ANKRD31: variants seen among roughly 807,000 people sequenced by gnomAD.
ANKRD31 encodes ankyrin repeat domain 31.
ANKRD31 carries 147 observed loss-of-function variants against 186.0 expected under a neutral mutation model. The observed-to-expected ratio is 0.79, with a 90% confidence interval of 0.69 to 0.91. The LOEUF (loss-of-function observed/expected upper bound fraction) is 0.91. ANKRD31 is among the 40% of genes least tolerant of loss of function. The probability of loss-of-function intolerance (pLI) is 0.00; values close to 1 mark genes in which losing one functional copy is unlikely to be tolerated. For missense variants in ANKRD31, 1,986 were observed against 2,148.8 expected (o/e 0.92, Z 1.50); for synonymous variants, 673 against 736.4 (o/e 0.91, Z 1.39).
chr5:75,163,752 G>A (rs1752732296), intron 11 of ANKRD31, among the ~76,000 whole-genome samples: 1 of 152,132 alleles, frequency 6.6e-6, no homozygotes, highest in Non-Finnish European at 1.5e-5. Context: ...TCAATAGTAT[G>A]ATCAAAGGTG....
intron 11 of ANKRD31, among the ~76,000 whole-genome samples, chr5:75,156,312 C>A (rs1203276387): frequency 6.6e-6 from 1 of 152,120 alleles, no homozygotes; most frequent in Non-Finnish European, 1.5e-5. Context: ...TCACTTTGTA[C>A]TCTGAGATGT....
chr5:75,103,440 G>A (rs966318178), intron 22 of ANKRD31, among the ~76,000 whole-genome samples: 7 of 152,316 alleles, frequency 4.6e-5, no homozygotes, highest in African/African-American at 1.7e-4. Flanking sequence ...AGACAGTGTA[G>A]CGATTCCTCA....
intron 9 of ANKRD31, among the ~76,000 whole-genome samples, chr5:75,190,655 T>C (rs949432152): frequency 6.6e-6 from 1 of 151,972 alleles, no homozygotes; most frequent in East Asian, 1.9e-4. Flanking sequence ...TGCTTGTTCA[T>C]GTTCCTTATC....
chr5:75,213,779 C>T (rs1756795422), intron 3 of ANKRD31, among the ~76,000 whole-genome samples: 1 of 152,118 alleles, frequency 6.6e-6, no homozygotes, highest in African/African-American at 2.4e-5. Context: ...AGAAAAGAAG[C>T]AAATCTATTT....
intron 12 of ANKRD31, among the ~76,000 whole-genome samples, chr5:75,152,543 TAA>T (rs1751910513): frequency 6.6e-6 from 1 of 152,030 alleles, no homozygotes; most frequent in Non-Finnish European, 1.5e-5. Flanking sequence ...TTTTTTTCAT[TAA>T]AATACAGTTT....
chr5:75,227,267 C>T (rs970699735), intron 2 of ANKRD31, among the ~76,000 whole-genome samples: 1 of 151,948 alleles, frequency 6.6e-6, no homozygotes, highest in African/African-American at 2.4e-5. Context: ...GGATGGTTAC[C>T]AGAGACTGGG....
At chr5:75,074,152 TC>T (rs1187768553) in intron 25 of ANKRD31, among the ~76,000 whole-genome samples, 1 of 152,160 alleles carries the variant, frequency 6.6e-6, no homozygotes, top group Non-Finnish European at 1.5e-5. Flanking sequence ...AGGCGGCACT[TC>T]CAGGGTAAAC....
chr5:75,068,761 G>A, intron 25 of ANKRD31, 97 bp from the exon 26 acceptor site: 1 of 1,252,008 alleles, frequency 8.0e-7, no homozygotes, highest in Non-Finnish European at 1.0e-6. Context: ...AAGTCTATTT[G>A]AGAGCACACA....
chr5:75,202,014 G>A (rs1159684674), intron 5 of ANKRD31, among the ~76,000 whole-genome samples: 1 of 152,116 alleles, frequency 6.6e-6, no homozygotes, highest in East Asian at 1.9e-4. Flanking sequence ...AAGCCCCCAG[G>A]CCACACCTTG....
chr5:75,157,468 T>C (rs1345599414), intron 11 of ANKRD31, among the ~76,000 whole-genome samples: 1 of 152,190 alleles, frequency 6.6e-6, no homozygotes, highest in African/African-American at 2.4e-5. Context: ...GAACCAGAAC[T>C]TGATGATTTG....
At chr5:75,122,437 T>TATC (rs1205253489) in intron 17 of ANKRD31, among the ~76,000 whole-genome samples, 1 of 151,684 alleles carries the variant, frequency 6.6e-6, no homozygotes, top group Non-Finnish European at 1.5e-5. Context: ...ATGAAGCCAG[T>TATC]ATCACCCTGA....
In ANKRD31 at chr5:75,119,137, C is replaced by A. The variant is rs577325760; in HGVS notation, c.3877-840G>T. Among the ~76,000 whole-genome samples the A allele has an allele frequency of 5.9e-5, 9 of 152,156 alleles. No individual in the cohort carries two copies. In the South Asian group the frequency reaches 1.9e-3, roughly 32 times the overall value. On this transcript the variant is annotated intron_variant, in intron 17 of 25. Transcript: ENST00000506364. ...ATTTTAGATTCAAATGATATATGTG[C>A]AGGTTTACTACATGGGTATATTGCA...
chr5:75,191,338 G>A (rs1456333741), intron 9 of ANKRD31, among the ~76,000 whole-genome samples: 1 of 151,940 alleles, frequency 6.6e-6, no homozygotes, highest in East Asian at 1.9e-4. Flanking sequence ...TCTCTATTCT[G>A]TTTCACTGAT....
chr5:75,166,909 AT>A (rs1305784445), intron 11 of ANKRD31, among the ~76,000 whole-genome samples: 1 of 152,190 alleles, frequency 6.6e-6, no homozygotes, highest in East Asian at 1.9e-4. Context: ...AAATGTATTT[AT>A]TAACAGTTTT....
intron 2 of ANKRD31, among the ~76,000 whole-genome samples, chr5:75,227,473 C>T (rs1757698804): frequency 6.6e-6 from 1 of 151,888 alleles, no homozygotes; most frequent in South Asian, 2.1e-4. Context: ...GATGGATATC[C>T]CATTTACCCT....
In ANKRD31 at chr5:75,188,617, A is replaced by G. The variant is rs1285543520; in HGVS notation, c.1440T>C (p.His480=). The change falls in exon 10 of 26, where the codon CAT becomes CAC. Residue 480 remains histidine, a synonymous_variant. Transcript: ENST00000506364. ...EKMKVNKISL[H]SINRRNIFGE... ...CAAAAATGTTTCTCCGGTTAATGCT[A>G]TGAAGAGATATTTTGTTCACCTTCA... 26 of 1,533,886 alleles carry G rather than the reference A, an allele frequency of 1.7e-5. No homozygotes were observed. The highest frequency in any genetic ancestry group is 2.2e-5 in the Non-Finnish European group (25 of 1,145,724).
At chr5:75,190,539 G>A (rs186096228) in intron 9 of ANKRD31, among the ~76,000 whole-genome samples, 1 of 152,080 alleles carries the variant, frequency 6.6e-6, no homozygotes, top group Admixed American at 6.6e-5. Flanking sequence ...GTTACAGACT[G>A]AATGGTGTCC....
chr5:75,124,437 AC>A (rs1561446573), intron 17 of ANKRD31, among the ~76,000 whole-genome samples: 2 of 152,324 alleles, frequency 1.3e-5, no homozygotes, highest in African/African-American at 2.4e-5. Context: ...CTGGGTATAT[AC>A]CCACAGGAAA....
At chr5:75,108,474 A>T (rs1410799153) in intron 20 of ANKRD31, among the ~76,000 whole-genome samples, 1 of 152,134 alleles carries the variant, frequency 6.6e-6, no homozygotes, top group Non-Finnish European at 1.5e-5. Flanking sequence ...TGAAAGGGTT[A>T]AATGCATATA....
Sources: allele counts gnomAD v4.1 joint callset (sites outside exome capture counted in the v4.1 genomes callset), GRCh38; gene constraint gnomAD v4.1.1; transcripts MANE v1.5; gene names NCBI Gene and HGNC (gene_info 2026-07-23, HGNC 2026-07-21).